MMP26: variants seen among roughly 807,000 people sequenced by gnomAD.
MMP26 encodes the protein matrix metalloproteinase-26.
MMP26 carries 33 observed loss-of-function variants against 31.0 expected under a neutral mutation model. That is an observed-to-expected ratio of 1.06 (90% CI 0.81 to 1.42). MMP26 has a LOEUF of 1.42. Among genes scored for constraint, MMP26 ranks in the 40% most tolerant of loss-of-function variants. The probability of loss-of-function intolerance (pLI) is 0.00; values close to 1 mark genes in which losing one functional copy is unlikely to be tolerated. For missense variants in MMP26, 347 were observed against 316.1 expected, an observed-to-expected ratio of 1.10 and a Z score of -0.74; for synonymous variants, 122 against 114.9, an observed-to-expected ratio of 1.06 and a Z score of -0.40.
intron 2 of MMP26, among the ~76,000 whole-genome samples, chr11:4,768,729 C>G (rs1214419005): frequency 6.6e-6 from 1 of 152,154 alleles, no homozygotes; most frequent in Non-Finnish European, 1.5e-5. Flanking sequence ...AACAAAGAGT[C>G]AATACATGTT....
chr11:4,893,766 G>A (rs1850661529), intron 2 of MMP26, among the ~76,000 whole-genome samples: 1 of 151,916 alleles, frequency 6.6e-6, no homozygotes, highest in Non-Finnish European at 1.5e-5. Flanking sequence ...GGTATAATGA[G>A]ATCAATTCTG....
intron 2 of MMP26, among the ~76,000 whole-genome samples, chr11:4,948,473 TAGCACGCTATCAGGTTTGCCA>T (rs1173052846): frequency 8.1e-6 from 1 of 124,170 alleles, no homozygotes; most frequent in Non-Finnish European, 1.8e-5. Context: ...ATTAAGTATA[TAGCACGCTATCAGGTTTGCCA>T]AGCAATATTT....
intron 1 of MMP26, among the ~76,000 whole-genome samples, chr11:4,743,065 T>C (rs533445912): frequency 6.6e-6 from 1 of 152,280 alleles, no homozygotes; most frequent in Non-Finnish European, 1.5e-5. Flanking sequence ...TGGTGAAAAT[T>C]AGTGGAATAA....
intron 2 of MMP26, among the ~76,000 whole-genome samples, chr11:4,933,792 C>A (rs974334759): frequency 2.1e-5 from 3 of 146,296 alleles, no homozygotes; most frequent in African/African-American, 7.6e-5. Context: ...TCTCATTGTT[C>A]AATTCCCACC....
chr11:4,882,899 A>G (rs773294537), intron 2 of MMP26: 1 of 1,595,212 alleles, frequency 6.3e-7, no homozygotes, highest in Non-Finnish European at 8.6e-7. Context: ...GGAAATTGTC[A>G]GGACACGAAT....
intron 3 of MMP26, among the ~76,000 whole-genome samples, chr11:4,989,423 A>T (rs2499946): frequency 0.1 from 15,517 of 152,106 alleles, 1,544 homozygotes; most frequent in East Asian, 0.3. Flanking sequence ...AAAATGTTAT[A>T]GTTTATCCAT....
chr11:4,785,755 T>C (rs1848934714), intron 2 of MMP26, among the ~76,000 whole-genome samples: 1 of 152,196 alleles, frequency 6.6e-6, no homozygotes, highest in African/African-American at 2.4e-5. Flanking sequence ...GAGATAACTA[T>C]AATTAAGCAC....
At chr11:4,756,611 G>T (rs150681408) in intron 1 of MMP26, 2 of 151,938 alleles carry the variant, frequency 1.3e-5, no homozygotes, top group Non-Finnish European at 2.9e-5. Flanking sequence ...CATTCATGAC[G>T]CAGAAAGAAT....
intron 2 of MMP26, among the ~76,000 whole-genome samples, chr11:4,858,073 T>A (rs1259737719): frequency 3.3e-5 from 5 of 152,240 alleles, no homozygotes; most frequent in Admixed American, 6.5e-5. Context: ...ATGGGACGTA[T>A]CTCAAAATAA....
intron 2 of MMP26, chr11:4,944,379 A>T (rs1252821107): frequency 6.3e-6 from 1 of 158,446 alleles, no homozygotes; most frequent in Non-Finnish European, 1.4e-5. Flanking sequence ...AAATAGGAAA[A>T]AACCTTTTAT....
chr11:4,744,332 A>G (rs1024984957), intron 1 of MMP26, among the ~76,000 whole-genome samples: 2 of 152,220 alleles, frequency 1.3e-5, no homozygotes, highest in South Asian at 2.1e-4. Context: ...GACATTTCCT[A>G]TTGTAAATTC....
intron 2 of MMP26, among the ~76,000 whole-genome samples, chr11:4,940,642 T>C (rs1259610963): frequency 6.6e-6 from 1 of 152,124 alleles, no homozygotes; most frequent in African/African-American, 2.4e-5. Context: ...GCAGGGGCTG[T>C]TTGAAAGAAT....
intron 2 of MMP26, among the ~76,000 whole-genome samples, chr11:4,986,801 G>A (rs1846897137): frequency 6.6e-6 from 1 of 151,580 alleles, no homozygotes; most frequent in East Asian, 1.9e-4. Flanking sequence ...CCAAAGTGCA[G>A]GGATTACAGG....
At chr11:4,796,499 A>G (rs1014228285) in intron 2 of MMP26, among the ~76,000 whole-genome samples, 1 of 152,214 alleles carries the variant, frequency 6.6e-6, no homozygotes. Flanking sequence ...CATGCCCAAC[A>G]TAGCTGCATT....
intron 2 of MMP26, among the ~76,000 whole-genome samples, chr11:4,930,956 T>C (rs560970639): frequency 6.6e-6 from 1 of 152,124 alleles, no homozygotes; most frequent in South Asian, 2.1e-4. Flanking sequence ...GTAGTTGAAG[T>C]ATTTTAAGAG....
At chr11:4,858,056 G>C (rs1383584556) in intron 2 of MMP26, among the ~76,000 whole-genome samples, 1 of 152,082 alleles carries the variant, frequency 6.6e-6, no homozygotes, top group Non-Finnish European at 1.5e-5. Flanking sequence ...CAATAAACTA[G>C]GTGTCGATGG....
chr11:4,932,752 A>G (rs1851368836), intron 2 of MMP26, among the ~76,000 whole-genome samples: 1 of 152,172 alleles, frequency 6.6e-6, no homozygotes, highest in African/African-American at 2.4e-5. Context: ...TTCCTGGTCA[A>G]GAAACCTAAT....
chr11:4,728,193 C>T (rs1848128449), intron 1 of MMP26, among the ~76,000 whole-genome samples: 1 of 152,064 alleles, frequency 6.6e-6, no homozygotes, highest in Admixed American at 6.5e-5. Flanking sequence ...TTGGAAAGGA[C>T]CTGAGTAATT....
chr11:4,745,612 T>C (rs1303719799), intron 1 of MMP26, among the ~76,000 whole-genome samples: 3 of 152,206 alleles, frequency 2.0e-5, no homozygotes, highest in Admixed American at 2.0e-4. Context: ...GACAAGAAAT[T>C]ATCACCACTA....
Sources: gnomAD v4.1 joint callset for allele counts (sites outside exome capture counted in the v4.1 genomes callset) on GRCh38, gnomAD v4.1.1 for gene constraint, MANE v1.5 for transcripts, NCBI Gene and HGNC (gene_info 2026-07-23, HGNC 2026-07-21) for gene names.